Variants in PACRGL observed in about 807,000 individuals in gnomAD.
The protein encoded by PACRGL is parkin coregulated like, also known as PACRG-like protein.
Under a neutral mutation model 34.5 loss-of-function variants are expected in PACRGL, and 38 were observed. The ratio of observed to expected loss-of-function variants is 1.10; its 90% CI spans 0.85 to 1.44. PACRGL has a LOEUF of 1.44. Among genes scored for constraint, PACRGL ranks in the 40% most tolerant of loss-of-function variants. The pLI, the probability that PACRGL is intolerant of heterozygous loss-of-function variation, is 0.00. For missense variants in PACRGL, 305 were observed against 281.4 expected, an observed-to-expected ratio of 1.08 and a Z score of -0.60; for synonymous variants, 128 against 100.1, an observed-to-expected ratio of 1.28 and a Z score of -1.66.
intron 7 of PACRGL, among the ~76,000 whole-genome samples, chr4:20,714,975 G>A (rs570531614): frequency 3.5e-4 from 53 of 152,252 alleles, no homozygotes; most frequent in African/African-American, 1.1e-3. Context: ...ACATGCACAC[G>A]TATGTTTATC....
intron 7 of PACRGL, 31 bp downstream of exon 7, chr4:20,713,570 A>G: frequency 1.3e-6 from 2 of 1,514,192 alleles, no homozygotes; most frequent in Non-Finnish European, 1.8e-6. Flanking sequence ...ATAATGATTG[A>G]CTGTATGTAT....
At chr4:20,723,160 A>C (rs1000076809) in intron 7 of PACRGL, among the ~76,000 whole-genome samples, 8 of 152,202 alleles carry the variant, frequency 5.3e-5, no homozygotes, top group African/African-American at 1.4e-4. Flanking sequence ...TCAAGCCTTG[A>C]CATATGAGGA....
upstream of PACRGL, among the ~76,000 whole-genome samples, chr4:20,698,444 G>A (rs576356870): frequency 2.0e-5 from 3 of 152,236 alleles, no homozygotes; most frequent in Admixed American, 6.5e-5. Flanking sequence ...CCAACTCAGC[G>A]TCTACATATG....
chr4:20,709,904 C>T, intron 5 of PACRGL, 131 bp downstream of exon 5: 2 of 648,080 alleles, frequency 3.1e-6, no homozygotes, highest in Admixed American at 2.6e-5. Context: ...GGCATTGAAA[C>T]ACCACACACC....
intron 3 of PACRGL, among the ~76,000 whole-genome samples, chr4:20,707,279 T>C (rs1468940432): frequency 2.0e-5 from 3 of 147,170 alleles, no homozygotes; most frequent in African/African-American, 8.2e-5. Flanking sequence ...AACTGAAAGG[T>C]TATGAAGTTA....
downstream of PACRGL, chr4:20,732,888 TTTTG>T (rs1748678049): frequency 1.4e-6 from 1 of 694,516 alleles, no homozygotes; most frequent in Non-Finnish European, 2.4e-6. Flanking sequence ...ATTTTTGACT[TTTTG>T]TTTGTTGGAT....
intron 7 of PACRGL, among the ~76,000 whole-genome samples, chr4:20,724,502 T>C (rs1351374149): frequency 1.3e-5 from 2 of 152,158 alleles, no homozygotes; most frequent in Non-Finnish European, 2.9e-5. Flanking sequence ...AGGCACAGCT[T>C]TCCATCATGG....
chr4:20,747,771 G>T (rs1045175650), intron 8 of PACRGL, among the ~76,000 whole-genome samples: 1 of 152,166 alleles, frequency 6.6e-6, no homozygotes, highest in African/African-American at 2.4e-5. Flanking sequence ...TGAGCATGGA[G>T]TATGTGTGAG....
intron 7 of PACRGL, chr4:20,715,961 A>C: frequency 1.5e-6 from 1 of 675,152 alleles, no homozygotes; most frequent in Non-Finnish European, 2.4e-6. Flanking sequence ...GTGCCCATAC[A>C]CTGTCTTGTG....
chr4:20,756,257 A>T (rs1205199895), downstream of PACRGL, among the ~76,000 whole-genome samples: 1 of 151,878 alleles, frequency 6.6e-6, no homozygotes, highest in Non-Finnish European at 1.5e-5. Context: ...CCCTATATTG[A>T]GTAGATGTCA....
chr4:20,702,040 A>G, intron 1 of PACRGL: 3 of 437,772 alleles, frequency 6.9e-6, no homozygotes, highest in Non-Finnish European at 1.4e-5. Context: ...ATACTCATAA[A>G]CTGTAGAAGC....
At chr4:20,713,585 C>G (rs766955540) in intron 7 of PACRGL, 46 bp downstream of exon 7, 14 of 1,434,194 alleles carry the variant, frequency 9.8e-6, no homozygotes, top group Non-Finnish European at 1.3e-5. Flanking sequence ...ATGTATCATG[C>G]ACCATCCATA....
At chr4:20,711,438 A>G (rs767666130) in intron 5 of PACRGL, among the ~76,000 whole-genome samples, 1 of 152,200 alleles carries the variant, frequency 6.6e-6, no homozygotes. Flanking sequence ...GAGAGTTTTT[A>G]TCTTGAAAAT....
Position 20,720,461 on chromosome 4 carries a change from C to T in PACRGL, c.610-4347C>T, listed in dbSNP as rs546927521. 2.0e-4 allele frequency among the ~76,000 whole-genome samples: 30 copies of T among 152,306 alleles called. No homozygotes were observed. The South Asian group carries it at 6.0e-3, about 31-fold the overall frequency. On this transcript the variant is annotated intron_variant, in intron 7 of 8. Transcript: ENST00000503585. The stretch of plus-strand genomic sequence containing the variant: ...ACAATTTGGCTTGTTTTTGCAGTGG[C>T]TGGTACAGGTTGTTCCTTTCCATGT...
At chr4:20,719,424 G>T (rs1464487234) in intron 7 of PACRGL, among the ~76,000 whole-genome samples, 2 of 152,094 alleles carry the variant, frequency 1.3e-5, no homozygotes, top group East Asian at 1.9e-4. Context: ...TGATGTTAGG[G>T]TATCAGTTTT....
At chr4:20,763,250 T>G in the PACRGL span, among the ~76,000 whole-genome samples, 5 of 152,194 alleles carry the variant, frequency 3.3e-5, no homozygotes, top group African/African-American at 1.2e-4. Flanking sequence ...AAGTTTTGGA[T>G]TTTACAGTAT....
rs1746375932 is a variant in PACRGL, at chr4:20,727,782, T to G, written c.*441T>G. Reference sequence around the variant, plus strand: ...AGTGGACAAATGTTTGTGAATACACTTTTAAAAAATTGTTTTAAAAGAGAA... The same window carrying G: ...AGTGGACAAATGTTTGTGAATACACGTTTAAAAAATTGTTTTAAAAGAGAA... On this transcript the variant is annotated 3_prime_UTR_variant, in exon 9 of 9. Coordinates refer to ENST00000503585, the MANE Select transcript of PACRGL (RefSeq NM_001258345.3). The G allele has an allele frequency of 6.4e-6, 1 of 155,488 alleles. No individual in the cohort carries two copies. Among genetic ancestry groups the G allele is most frequent in the Non-Finnish European group, 1.4e-5 (1 of 70,220 alleles). 9.6% of individuals were successfully genotyped at this position (155,488 alleles called of 1,614,324 possible).
chr4:20,745,294 A>T (rs1472564257), intron 8 of PACRGL, among the ~76,000 whole-genome samples: 1 of 152,068 alleles, frequency 6.6e-6, no homozygotes, highest in Non-Finnish European at 1.5e-5. Context: ...CATCTAATTC[A>T]CATCTTCTTG....
chr4:20,720,410 G>T (rs563400354), intron 7 of PACRGL, among the ~76,000 whole-genome samples: 17 of 152,318 alleles, frequency 1.1e-4, no homozygotes, highest in Middle Eastern at 3.4e-3. Flanking sequence ...AGTTGATGCA[G>T]TTTCTTCCTA....
Sources: gnomAD v4.1 joint callset for allele counts (sites outside exome capture counted in the v4.1 genomes callset) on GRCh38, gnomAD v4.1.1 for gene constraint, MANE v1.5 for transcripts, NCBI Gene and HGNC (gene_info 2026-07-23, HGNC 2026-07-21) for gene names.